GSDMC: variants seen among roughly 807,000 people sequenced by gnomAD.
GSDMC encodes the protein gasdermin-C.
GSDMC carries 59 observed loss-of-function variants against 58.0 expected under a neutral mutation model. The ratio of observed to expected loss-of-function variants is 1.02; its 90% CI spans 0.82 to 1.26. The LOEUF is 1.26. Ranked by LOEUF, GSDMC falls within the 50% of genes most tolerant of loss-of-function variation. The pLI is 0.00. For missense variants in GSDMC, 659 were observed against 598.5 expected (o/e 1.10, Z -1.06); for synonymous variants, 241 against 220.2 (o/e 1.09, Z -0.83).
the GSDMC span, among the ~76,000 whole-genome samples, chr8:129,736,637 T>C: frequency 1.5e-4 from 23 of 152,214 alleles, no homozygotes; most frequent in African/African-American, 5.5e-4. Context: ...TGGGACGTTA[T>C]CTCAAAATAA....
At chr8:129,733,646 C>T in the GSDMC span, among the ~76,000 whole-genome samples, 3 of 152,200 alleles carry the variant, frequency 2.0e-5, no homozygotes, top group Non-Finnish European at 4.4e-5. Flanking sequence ...AGCACATCCA[C>T]ACCAAAACCC....
intron 3 of GSDMC, among the ~76,000 whole-genome samples, chr8:129,775,173 T>A (rs538633480): frequency 6.6e-6 from 1 of 152,132 alleles, no homozygotes; most frequent in Admixed American, 6.5e-5. Flanking sequence ...TAAGTGCCTG[T>A]CAACAGATGA....
At position 129,764,784 on chromosome 8, in the gene GSDMC, T is replaced by C. The variant is rs375346155; in HGVS notation, c.570+844A>G. Among the ~76,000 whole-genome samples, 55 of 152,306 alleles carry C rather than the reference T, an allele frequency of 3.6e-4. No homozygotes were observed. In the South Asian group the frequency reaches 7.5e-3, roughly 21 times the overall value. On this transcript the variant is annotated intron_variant, in intron 4 of 13. Coordinates refer to ENST00000276708, the MANE Select transcript of GSDMC (RefSeq NM_031415.3). ...TTTAAAAAATTAAAAAGATTTCCAGTCGATATTCTTACTTGCAGTCCCACC... is the reference window on the plus strand; with the variant it reads ...TTTAAAAAATTAAAAAGATTTCCAGCCGATATTCTTACTTGCAGTCCCACC...
intron 4 of GSDMC, among the ~76,000 whole-genome samples, chr8:129,765,124 T>G (rs1359327051): frequency 2.0e-5 from 3 of 152,208 alleles, no homozygotes; most frequent in Non-Finnish European, 4.4e-5. Context: ...AATTTATTTA[T>G]ATTAAAAAAT....
chr8:129,752,664 A>AT, intron 7 of GSDMC, 34 bp downstream of exon 7: 1 of 1,611,982 alleles, frequency 6.2e-7, no homozygotes, highest in African/African-American at 1.3e-5. Context: ...AAGCATCAAC[A>AT]TAGAAGTAAA....
intron 3 of GSDMC, among the ~76,000 whole-genome samples, chr8:129,771,229 T>C (rs2034039072): frequency 6.6e-6 from 1 of 151,806 alleles, no homozygotes; most frequent in Admixed American, 6.6e-5. Context: ...GTAAGAGACT[T>C]TAATACCCAC....
At chr8:129,753,645 A>G (rs1423197116) in intron 6 of GSDMC, among the ~76,000 whole-genome samples, 1 of 152,214 alleles carries the variant, frequency 6.6e-6, no homozygotes, top group Admixed American at 6.5e-5. Flanking sequence ...TTTGCCTTGC[A>G]TCTTAGGTAC....
chr8:129,740,300 A>C, the GSDMC span, among the ~76,000 whole-genome samples: 1 of 152,170 alleles, frequency 6.6e-6, no homozygotes, highest in Admixed American at 6.6e-5. Context: ...TATAAAGTCT[A>C]CTGTAGTGTA....
intron 6 of GSDMC, among the ~76,000 whole-genome samples, chr8:129,755,674 T>C (rs1314619786): frequency 6.6e-6 from 1 of 152,012 alleles, no homozygotes; most frequent in Non-Finnish European, 1.5e-5. Context: ...CATAGTACAA[T>C]AAGACATAAA....
At chr8:129,740,177 G>T in the GSDMC span, among the ~76,000 whole-genome samples, 4 of 152,156 alleles carry the variant, frequency 2.6e-5, no homozygotes, top group African/African-American at 9.6e-5. Flanking sequence ...GAGTCAAAAG[G>T]TTTGCAAAAA....
chr8:129,720,352 G>T, the GSDMC span, among the ~76,000 whole-genome samples: 1 of 152,108 alleles, frequency 6.6e-6, no homozygotes. Flanking sequence ...TATGTACAAT[G>T]TCCTGATATC....
At chr8:129,722,420 C>T in the GSDMC span, among the ~76,000 whole-genome samples, 1 of 152,172 alleles carries the variant, frequency 6.6e-6, no homozygotes, top group Non-Finnish European at 1.5e-5. Flanking sequence ...AAGAATTCAC[C>T]TGTCATGGAT....
At position 129,750,115 on chromosome 8, in the gene GSDMC, T is replaced by C; in HGVS notation, c.1088A>G (p.Glu363Gly). ...ATCCAAATGACCTGAGCTGTCCAAT[T>C]CCAGCTATAGAAGACAGGTATTATT... The part of the protein sequence containing the change: ...GALQDLMNML[E>G]LDSSGHLDGP... The change falls in exon 12 of 14, where the codon GAA (glutamate) becomes GGA (glycine). Residue 363 changes from glutamate to glycine, a missense_variant. Physicochemically the swap from Glu to Gly is moderately conservative, Grantham distance 98. Coordinates refer to ENST00000276708, the MANE Select transcript of GSDMC (RefSeq NM_031415.3). The C allele has an allele frequency of 6.4e-7, 1 of 1,565,854 alleles. No homozygotes were observed. The highest frequency in any genetic ancestry group is 8.6e-7 in the Non-Finnish European group (1 of 1,161,788).
intron 12 of GSDMC, 38 bp downstream of exon 12, chr8:129,749,952 C>A: frequency 6.5e-7 from 1 of 1,543,900 alleles, no homozygotes; most frequent in South Asian, 1.3e-5. Flanking sequence ...GGGGACCAAT[C>A]TTGTGATTCT....
At chr8:129,727,023 C>CACAT in the GSDMC span, among the ~76,000 whole-genome samples, 124 of 150,312 alleles carry the variant, frequency 8.2e-4, no homozygotes, top group Middle Eastern at 3.4e-3. Context: ...CACACACACA[C>CACAT]ACCTATTCAC....
At chr8:129,763,844 T>G (rs1328413224) in intron 4 of GSDMC, among the ~76,000 whole-genome samples, 1 of 152,214 alleles carries the variant, frequency 6.6e-6, no homozygotes, top group African/African-American at 2.4e-5. Context: ...CCTCCCAAAG[T>G]GCTAGGATTA....
chr8:129,728,848 A>C, the GSDMC span: 2 of 612,526 alleles, frequency 3.3e-6, no homozygotes, highest in Non-Finnish European at 6.3e-6. Context: ...CCGCTGCTGG[A>C]GAGGCTGTTC....
At chr8:129,760,308 A>G (rs2033608479) in intron 6 of GSDMC, among the ~76,000 whole-genome samples, 1 of 152,192 alleles carries the variant, frequency 6.6e-6, no homozygotes, top group African/African-American at 2.4e-5. Flanking sequence ...ATAGCACAAC[A>G]GGGTGACTAC....
chr8:129,728,406 C>T, the GSDMC span, among the ~76,000 whole-genome samples: 4 of 152,240 alleles, frequency 2.6e-5, no homozygotes, highest in South Asian at 4.2e-4. Flanking sequence ...TCAGGTTGTC[C>T]CCGCATCACC....
Sources: gnomAD v4.1 joint callset for allele counts (sites outside exome capture counted in the v4.1 genomes callset) on GRCh38, gnomAD v4.1.1 for gene constraint, MANE v1.5 for transcripts, NCBI Gene and HGNC (gene_info 2026-07-23, HGNC 2026-07-21) for gene names.